Variants in ZNF765 observed in about 807,000 individuals in gnomAD.
ZNF765 encodes the protein zinc finger protein 765.
Under a neutral mutation model 44.7 loss-of-function variants are expected in ZNF765, and 37 were observed. The ratio of observed to expected loss-of-function variants is 0.83; its 90% confidence interval spans 0.64 to 1.09. ZNF765 has a LOEUF of 1.09. Ranked by LOEUF, ZNF765 falls within the 50% of genes least tolerant of loss-of-function variation. The probability of loss-of-function intolerance (pLI) is 0.00; values close to 1 mark genes in which losing one functional copy is unlikely to be tolerated. For missense variants in ZNF765, 594 were observed against 626.1 expected, an observed-to-expected ratio of 0.95 and a Z score of 0.55; for synonymous variants, 201 against 213.7, an observed-to-expected ratio of 0.94 and a Z score of 0.52.
chr19:53,401,577 A>T (rs569658879), intron 2 of ZNF765, among the ~76,000 whole-genome samples: 280 of 7,596 alleles, frequency 0.037, 1 homozygote, highest in African/African-American at 0.075. Flanking sequence ...AAATAAAAAT[A>T]AAAAAAAAAA....
chr19:53,414,256 A>AAAAAAC (rs1265300820), downstream of ZNF765, among the ~76,000 whole-genome samples: 1,614 of 145,072 alleles, frequency 0.011, 280 homozygotes, highest in African/African-American at 0.04. Flanking sequence ...AAAAAAAAAG[A>AAAAAAC]AACTTGCAGC....
intron 3 of ZNF765, among the ~76,000 whole-genome samples, chr19:53,421,930 T>C (rs2085910091): frequency 6.6e-6 from 1 of 152,216 alleles, no homozygotes. Context: ...CATCGTACTT[T>C]CCTTCCTGGC....
downstream of ZNF765, among the ~76,000 whole-genome samples, chr19:53,412,273 A>G (rs1293676419): frequency 6.6e-6 from 1 of 152,214 alleles, no homozygotes; most frequent in African/African-American, 2.4e-5. Flanking sequence ...TTCTCCCTCT[A>G]TTAAGATGAT....
intron 2 of ZNF765, among the ~76,000 whole-genome samples, chr19:53,400,289 A>G (rs2085710584): frequency 6.6e-6 from 1 of 152,148 alleles, no homozygotes; most frequent in Non-Finnish European, 1.5e-5. Context: ...GCTCTTTGAC[A>G]TCTGCATTGG....
At chr19:53,395,907 C>G (rs186152108) in intron 1 of ZNF765, among the ~76,000 whole-genome samples, 25 of 151,180 alleles carry the variant, frequency 1.7e-4, no homozygotes, top group Admixed American at 8.5e-4. Context: ...CAGTAGAAAA[C>G]CTGAGACAGA....
At chr19:53,402,463 T>C (rs372904248) in intron 3 of ZNF765, among the ~76,000 whole-genome samples, 144 of 152,144 alleles carry the variant, frequency 9.5e-4, no homozygotes, top group African/African-American at 3.1e-3. Context: ...AGTTTCACCA[T>C]GTTAGCCAGG....
chr19:53,408,672 C>T lies in ZNF765; in HGVS notation c.1117C>T (p.His373Tyr). 3.1e-6 allele frequency: 5 copies of T among 1,612,884 alleles called. No individual in the cohort carries two copies. The highest frequency in any genetic ancestry group is 4.2e-6 in the Non-Finnish European group (5 of 1,179,596). ...TAGTCGGAAGTCACATTTTACATGC[C>T]ATCATAGAGTTCATACTGGAGAGAA... ...TFSRKSHFTC[H>Y]HRVHTGEKPY... Residue 373 changes from histidine to tyrosine, a missense_variant, in exon 4 of 4, where the codon CAT (histidine) becomes TAT (tyrosine). By Grantham distance (83) the His-to-Tyr change is moderately conservative (BLOSUM62 2). This residue lies in a region of ZNF765 where 567 missense variants were observed against 572.6 expected (regional missense o/e 0.99). Coordinates refer to ENST00000396408, the MANE Select transcript of ZNF765 (RefSeq NM_001040185.3).
intron 2 of ZNF765, among the ~76,000 whole-genome samples, chr19:53,398,483 T>C (rs1274312305): frequency 2.6e-5 from 4 of 152,214 alleles, no homozygotes; most frequent in Non-Finnish European, 5.9e-5. Flanking sequence ...ATACTACATT[T>C]TTAGGTAATT....
intron 3 of ZNF765, among the ~76,000 whole-genome samples, chr19:53,403,932 C>A (rs912850222): frequency 1.5e-4 from 23 of 151,504 alleles, no homozygotes; most frequent in African/African-American, 5.3e-4. Context: ...AGAATTATTT[C>A]TCTGTATGTT....
downstream of ZNF765, among the ~76,000 whole-genome samples, chr19:53,413,801 A>T (rs2085851448): frequency 6.6e-6 from 1 of 151,718 alleles, no homozygotes; most frequent in Admixed American, 6.6e-5. Context: ...AGTGTGTCAA[A>T]GCATTATGTC....
intron 2 of ZNF765, among the ~76,000 whole-genome samples, chr19:53,400,223 G>C (rs2085709950): frequency 6.6e-6 from 1 of 152,034 alleles, no homozygotes; most frequent in South Asian, 2.1e-4. Flanking sequence ...TTCGATATTT[G>C]ATCCTGCTGG....
intron 2 of ZNF765, among the ~76,000 whole-genome samples, chr19:53,400,783 T>TATATATATATATATATATATATACAC (rs10664389): frequency 1.9e-4 from 24 of 126,762 alleles, no homozygotes; most frequent in Admixed American, 5.6e-4. Flanking sequence ...TATATATATA[T>TATATATATATATATATATATATACAC]ACACACATAC....
At chr19:53,426,725 A>ATTT (rs2085941993) in exon 4 of ZNF765, 1 of 150,476 alleles carries the variant, frequency 6.6e-6, no homozygotes, top group Admixed American at 6.6e-5. Context: ...TTATGAGATC[A>ATTT]AACTAATGCC....
At chr19:53,413,500 T>A (rs190792602), downstream of ZNF765, among the ~76,000 whole-genome samples, 1 of 152,232 alleles carries the variant, frequency 6.6e-6, no homozygotes, top group Admixed American at 6.5e-5. Flanking sequence ...AACATGTTGG[T>A]TGGCTGGGTT....
chr19:53,397,459 G>A (rs1443287450), intron 1 of ZNF765, among the ~76,000 whole-genome samples: 1 of 151,944 alleles, frequency 6.6e-6, no homozygotes, highest in Non-Finnish European at 1.5e-5. Context: ...GGCTGGTCTC[G>A]AACTCCTGAG....
intron 3 of ZNF765, among the ~76,000 whole-genome samples, chr19:53,417,151 C>T (rs955629424): frequency 1.2e-4 from 19 of 152,130 alleles, no homozygotes; most frequent in African/African-American, 4.6e-4. Flanking sequence ...CTTTTAAGTT[C>T]AGGGGTACAT....
downstream of ZNF765, chr19:53,412,117 G>A: frequency 3.5e-6 from 1 of 287,804 alleles, no homozygotes; most frequent in Non-Finnish European, 6.7e-6. Flanking sequence ...AGATCCTCCA[G>A]GAAAGGCATT....
At chr19:53,405,932 T>TATATATAA (rs1258942851) in intron 3 of ZNF765, among the ~76,000 whole-genome samples, 1 of 88,282 alleles carries the variant, frequency 1.1e-5, no homozygotes, top group African/African-American at 3.8e-5. Context: ...TATATATATA[T>TATATATAA]ATATATATAT....
At chr19:53,395,733 C>A (rs2085661384) in intron 1 of ZNF765, among the ~76,000 whole-genome samples, 1 of 152,186 alleles carries the variant, frequency 6.6e-6, no homozygotes, top group South Asian at 2.1e-4. Context: ...TAGGGAGGTG[C>A]CCGGGGCCTG....
Sources: allele counts gnomAD v4.1 joint callset (sites outside exome capture counted in the v4.1 genomes callset), GRCh38; gene constraint gnomAD v4.1.1; regional missense constraint gnomAD v4.1.1; transcripts MANE v1.5; gene names NCBI Gene and HGNC (gene_info 2026-07-23, HGNC 2026-07-21).